Variants in ADAM12 observed in about 807,000 individuals in gnomAD.
The protein encoded by ADAM12 is ADAM metallopeptidase domain 12.
ADAM12 carries 70 observed loss-of-function variants against 106.4 expected under a neutral mutation model. The observed-to-expected ratio is 0.66, with a 90% CI of 0.54 to 0.80. The LOEUF (loss-of-function observed/expected upper bound fraction) is 0.80, where lower values mean the gene tolerates loss of function less well. Among genes scored for constraint, ADAM12 ranks in the 30% least tolerant of loss-of-function variants. The pLI is 0.00. For synonymous variants in ADAM12, 420 were observed against 433.5 expected (o/e 0.97, Z 0.39); for missense variants, 1,010 against 1,171.9 (o/e 0.86, Z 2.02).
At chr10:126,124,814 C>T (rs1298268269) in intron 5 of ADAM12, among the ~76,000 whole-genome samples, 2 of 140,514 alleles carry the variant, frequency 1.4e-5, no homozygotes, top group Admixed American at 7.9e-5. Context: ...ATCACTTGAA[C>T]CTGGGAGGCG....
intron 3 of ADAM12, among the ~76,000 whole-genome samples, chr10:126,208,267 G>A (rs1265547708): frequency 6.6e-6 from 1 of 152,192 alleles, no homozygotes; most frequent in Non-Finnish European, 1.5e-5. Context: ...ACTTTTGGTT[G>A]TCACAATCAG....
chr10:126,231,474 C>A (rs1356819355), intron 3 of ADAM12, among the ~76,000 whole-genome samples: 1 of 152,042 alleles, frequency 6.6e-6, no homozygotes, highest in African/African-American at 2.4e-5. Context: ...AAAACTGCCA[C>A]CCTCCCTAAT....
chr10:126,155,484 G>A (rs943646392), intron 3 of ADAM12, among the ~76,000 whole-genome samples, 179 bp from the exon 4 acceptor site: 1 of 151,922 alleles, frequency 6.6e-6, no homozygotes, highest in Non-Finnish European at 1.5e-5. Flanking sequence ...AGAATTCAGA[G>A]GAGACTCAGA....
chr10:126,121,531 TATA>T (rs1285962150), intron 5 of ADAM12, among the ~76,000 whole-genome samples: 16 of 144,082 alleles, frequency 1.1e-4, no homozygotes, highest in African/African-American at 3.8e-4. Context: ...TATATAATTA[TATA>T]ATAATATATA....
At chr10:126,224,769 C>T (rs1477949638) in intron 3 of ADAM12, among the ~76,000 whole-genome samples, 2 of 152,230 alleles carry the variant, frequency 1.3e-5, no homozygotes, top group African/African-American at 4.8e-5. Flanking sequence ...CGTCTGTTGC[C>T]ACCTACAAGT....
chr10:126,200,860 G>A (rs1166442888), intron 3 of ADAM12, among the ~76,000 whole-genome samples: 1 of 148,918 alleles, frequency 6.7e-6, no homozygotes, highest in Non-Finnish European at 1.5e-5. Flanking sequence ...TGTACGTGAT[G>A]GGGGCAGGGT....
chr10:126,253,815 G>A (rs1008922691), intron 3 of ADAM12, among the ~76,000 whole-genome samples: 9 of 152,230 alleles, frequency 5.9e-5, no homozygotes, highest in Admixed American at 5.9e-4. Flanking sequence ...TGCCTGGCCT[G>A]AGCTGGCACA....
chr10:126,316,947 A>G (rs1329887109), intron 2 of ADAM12, among the ~76,000 whole-genome samples: 1 of 152,116 alleles, frequency 6.6e-6, no homozygotes, highest in Non-Finnish European at 1.5e-5. Context: ...AAAAAAAATC[A>G]CTAAGTATCT....
intron 3 of ADAM12, among the ~76,000 whole-genome samples, chr10:126,242,722 G>C (rs1234278434): frequency 6.6e-6 from 1 of 152,198 alleles, no homozygotes. Flanking sequence ...AACAAACAAA[G>C]CCATGGCCAG....
chr10:126,219,438 T>C lies in ADAM12; in HGVS notation c.260+59477A>G, dbSNP rs551765201. On this transcript the variant is annotated intron_variant, in intron 3 of 22. Coordinates refer to ENST00000448723, the MANE Select transcript of ADAM12 (RefSeq NM_001288973.2). The stretch of plus-strand genomic sequence containing the variant: ...GGACTTACATTAATCTCTTTAGCTA[T>C]GTGCGACACAGACATCAGTGGTCTT... 2.0e-5 allele frequency among the ~76,000 whole-genome samples: 3 copies of C among 152,286 alleles called. No individual in the cohort carries two copies. In the South Asian group the frequency reaches 6.2e-4, roughly 32 times the overall value.
chr10:126,266,816 A>G (rs944462472), intron 3 of ADAM12, among the ~76,000 whole-genome samples: 4 of 152,118 alleles, frequency 2.6e-5, no homozygotes, highest in African/African-American at 9.7e-5. Context: ...GAGGTTCCAC[A>G]CACTTCTAAA....
chr10:126,293,525 T>G (rs1960243368), intron 2 of ADAM12, among the ~76,000 whole-genome samples: 1 of 152,178 alleles, frequency 6.6e-6, no homozygotes. Context: ...TTTTTATTTA[T>G]TTTGTTTTTT....
intron 14 of ADAM12, among the ~76,000 whole-genome samples, chr10:126,052,919 G>A (rs926756278): frequency 3.9e-5 from 6 of 152,304 alleles, no homozygotes; most frequent in East Asian, 1.9e-4. Context: ...AGAGTGTGAC[G>A]TGGTTTGGAT....
rs1955512079 is a variant in ADAM12 at position 126,094,039 on chromosome 10, C to T, written c.1091G>A (p.Cys364Tyr). The T allele has an allele frequency of 1.2e-6, 2 of 1,614,184 alleles. No homozygotes were observed. Among genetic ancestry groups the T allele is most frequent in the Non-Finnish European group, 1.7e-6 (2 of 1,180,042 alleles). Reference protein sequence around the residue: ...GMNHDTLDRGCSCQMAVEKGG... With the variant: ...GMNHDTLDRGYSCQMAVEKGG... ...TTTCTCAACCGCCATTTGACAGCTA[C>T]AGCCCCTGTCCAGTGTGTCATGATT... The change falls in exon 11 of 23, where the codon TGT (cysteine) becomes TAT (tyrosine). Residue 364 changes from cysteine (C) to tyrosine (Y), a missense_variant. Around this residue, in one of 3 missense-constraint regions of ADAM12, gnomAD observed 615 missense variants for 708.5 expected, o/e 0.87. Coordinates refer to ENST00000448723, the MANE Select transcript of ADAM12 (RefSeq NM_001288973.2).
chr10:126,230,437 C>A (rs532720354), intron 3 of ADAM12, among the ~76,000 whole-genome samples: 1 of 152,178 alleles, frequency 6.6e-6, no homozygotes, highest in Non-Finnish European at 1.5e-5. Flanking sequence ...ACTGCTGAGT[C>A]GAATGCTGTA....
At chr10:126,328,081 T>C (rs1564736009) in intron 2 of ADAM12, among the ~76,000 whole-genome samples, 1 of 152,246 alleles carries the variant, frequency 6.6e-6, no homozygotes, top group Non-Finnish European at 1.5e-5. Flanking sequence ...ACTATCAAAA[T>C]CCATCTTCCC....
chr10:126,345,338 G>A (rs576412211), intron 1 of ADAM12, among the ~76,000 whole-genome samples: 141 of 152,212 alleles, frequency 9.3e-4, no homozygotes, highest in African/African-American at 3.0e-3. Flanking sequence ...ATTGATTTGC[G>A]TATGTTGAAC....
intron 3 of ADAM12, among the ~76,000 whole-genome samples, chr10:126,156,782 G>A (rs760103129): frequency 2.6e-5 from 4 of 152,232 alleles, no homozygotes; most frequent in Non-Finnish European, 5.9e-5. Context: ...AGGGTGGAAG[G>A]AGAGGGGAAA....
rs113506950 is a variant in ADAM12, at chr10:126,295,910, A to AACACACACACACACACACACATAAAC, written c.187-16923_187-16922insGTTTATGTGTGTGTGTGTGTGTGTGT. ...ATCGAACAACAGACACACACACACA[A>AACACACACACACACACACACATAAAC]ACACACACACACACACACATAAACA... On this transcript the variant is annotated intron_variant, in intron 2 of 22. Coordinates refer to ENST00000448723, the MANE Select transcript of ADAM12 (RefSeq NM_001288973.2). Among the ~76,000 whole-genome samples the AACACACACACACACACACACATAAAC allele has an allele frequency of 1.2e-4, 18 of 148,290 alleles. 2 individuals carry two copies. The South Asian group carries it at 3.6e-3, about 30-fold the overall frequency.
Sources: gnomAD v4.1 joint callset for allele counts (sites outside exome capture counted in the v4.1 genomes callset) on GRCh38, gnomAD v4.1.1 for gene constraint, gnomAD v4.1.1 regional missense constraint, MANE v1.5 for transcripts, NCBI Gene and HGNC (gene_info 2026-07-23, HGNC 2026-07-21) for gene names.